The following PLCL1 variants were observed in gnomAD, a reference collection of about 807,000 sequenced individuals.
PLCL1 encodes the protein phospholipase C like 1 (inactive).
In PLCL1, 41 loss-of-function variants were observed where a neutral mutation model predicts 84.4. The ratio of observed to expected loss-of-function variants is 0.49; its 90% CI spans 0.38 to 0.63. The LOEUF (loss-of-function observed/expected upper bound fraction) is 0.63. Ranked by LOEUF, PLCL1 falls within the 30% of genes least tolerant of loss-of-function variation. PLCL1 has a pLI of 0.00. For synonymous variants in PLCL1, 490 were observed against 488.3 expected, an observed-to-expected ratio of 1.00 and a Z score of -0.05; for missense variants, 1,206 against 1,367.8, an observed-to-expected ratio of 0.88 and a Z score of 1.87.
chr2:198,094,528 TTA>T (rs764471339), intron 3 of PLCL1, among the ~76,000 whole-genome samples: 1 of 152,214 alleles, frequency 6.6e-6, no homozygotes, highest in Non-Finnish European at 1.5e-5. Flanking sequence ...CACATCTTAC[TTA>T]AAGTATACGT....
At chr2:198,111,767 G>A (rs1215390054) in intron 5 of PLCL1, among the ~76,000 whole-genome samples, 2 of 151,874 alleles carry the variant, frequency 1.3e-5, no homozygotes, top group Non-Finnish European at 2.9e-5. Context: ...TAAAGGCCAT[G>A]TTGTCATCCC....
chr2:197,976,136 T>G (rs1689976365), intron 1 of PLCL1, among the ~76,000 whole-genome samples: 1 of 152,198 alleles, frequency 6.6e-6, no homozygotes, highest in African/African-American at 2.4e-5. Flanking sequence ...ATTTTCTGGC[T>G]CTCAGAGTGA....
chr2:198,052,524 T>C (rs1691961810), intron 1 of PLCL1, among the ~76,000 whole-genome samples: 1 of 149,688 alleles, frequency 6.7e-6, no homozygotes. Context: ...CTATAGAGGT[T>C]GAAAAAAAAA....
At chr2:197,935,676 G>A (rs1367309182) in intron 1 of PLCL1, among the ~76,000 whole-genome samples, 3 of 152,044 alleles carry the variant, frequency 2.0e-5, no homozygotes, top group Non-Finnish European at 4.4e-5. Flanking sequence ...GCTTATTACC[G>A]GGGTGACAAA....
At position 198,061,645 on chromosome 2, in the gene PLCL1, G is replaced by A. The variant is rs538650559; in HGVS notation, c.241-22113G>A. Among the ~76,000 whole-genome samples the A allele has an allele frequency of 2.6e-5, 4 of 152,196 alleles. No homozygotes were observed. In the East Asian group the frequency reaches 5.8e-4, roughly 22 times the overall value. ...AGACAAGTCTCGCTCTGTCGCCCAG[G>A]CTGGAGTGCAATGGCACCATCTCGG... On this transcript the variant is annotated intron_variant, in intron 1 of 5. Coordinates refer to ENST00000428675, the MANE Select transcript of PLCL1 (RefSeq NM_006226.4).
At chr2:197,830,096 A>G (rs1248951223) in intron 1 of PLCL1, among the ~76,000 whole-genome samples, 3 of 152,046 alleles carry the variant, frequency 2.0e-5, no homozygotes, top group African/African-American at 4.8e-5. Flanking sequence ...AATTCCAAAA[A>G]CCAGAATGCC....
chr2:198,104,103 G>A (rs549666992), intron 5 of PLCL1, among the ~76,000 whole-genome samples, 167 bp downstream of exon 5: 131 of 151,902 alleles, frequency 8.6e-4, no homozygotes, highest in Middle Eastern at 6.8e-3. Context: ...ACTGTGTGTC[G>A]CGGGGGGCTG....
intron 1 of PLCL1, among the ~76,000 whole-genome samples, chr2:197,933,472 C>G (rs1370781490): frequency 6.6e-6 from 1 of 151,900 alleles, no homozygotes; most frequent in African/African-American, 2.4e-5. Context: ...GCCGTGTTAG[C>G]TAGTATGTGT....
chr2:198,141,966 C>A (rs1383711753), intron 5 of PLCL1, among the ~76,000 whole-genome samples: 1 of 152,162 alleles, frequency 6.6e-6, no homozygotes, highest in Non-Finnish European at 1.5e-5. Flanking sequence ...TGAAACAACC[C>A]ACTCATTTCC....
At position 197,804,982 on chromosome 2, in the gene PLCL1, C is replaced by T; in HGVS notation, c.-118C>T. The T allele has an allele frequency of 3.2e-6, 4 of 1,232,412 alleles. No individual in the cohort carries two copies. Among genetic ancestry groups the T allele is most frequent in the Non-Finnish European group, 4.3e-6 (4 of 927,290 alleles). 76.3% of individuals were successfully genotyped at this position (1,232,412 alleles called of 1,614,324 possible). ...CGCCGCCGCCACTGCCGCCGCTGGG[C>T]GGTGAAACAAAGTCTGGCGGGGCCG... On this transcript the variant is annotated 5_prime_UTR_variant, in exon 1 of 6. Transcript: ENST00000428675.
At chr2:197,913,264 G>A (rs1471792648) in intron 1 of PLCL1, among the ~76,000 whole-genome samples, 1 of 152,222 alleles carries the variant, frequency 6.6e-6, no homozygotes, top group Non-Finnish European at 1.5e-5. Context: ...TGGACTCCAA[G>A]GGCCAGTTTG....
chr2:197,923,591 A>C (rs1409910622), intron 1 of PLCL1, among the ~76,000 whole-genome samples: 1 of 142,312 alleles, frequency 7.0e-6, no homozygotes, highest in East Asian at 2.2e-4. Context: ...CTCACTTCCT[A>C]GATGTGATGG....
intron 1 of PLCL1, among the ~76,000 whole-genome samples, chr2:197,991,769 A>T (rs748655404): frequency 1.3e-5 from 2 of 151,814 alleles, no homozygotes; most frequent in Non-Finnish European, 2.9e-5. Flanking sequence ...TCTCTTTCCC[A>T]CTCAGTGCTT....
At chr2:198,112,843 G>A (rs1693653928) in intron 5 of PLCL1, among the ~76,000 whole-genome samples, 1 of 151,810 alleles carries the variant, frequency 6.6e-6, no homozygotes, top group Non-Finnish European at 1.5e-5. Flanking sequence ...GCTCAACCTA[G>A]TAAGCCCTCA....
At chr2:198,005,109 T>A (rs1396170633) in intron 1 of PLCL1, among the ~76,000 whole-genome samples, 3 of 152,226 alleles carry the variant, frequency 2.0e-5, no homozygotes, top group Non-Finnish European at 4.4e-5. Flanking sequence ...ATTTTCTTTT[T>A]AAACTTTCCT....
At chr2:197,938,753 G>A (rs1361205836) in intron 1 of PLCL1, among the ~76,000 whole-genome samples, 1 of 152,168 alleles carries the variant, frequency 6.6e-6, no homozygotes, top group African/African-American at 2.4e-5. Flanking sequence ...TCTGAGGTTT[G>A]TGTGATTCAG....
intron 1 of PLCL1, among the ~76,000 whole-genome samples, chr2:197,823,318 A>G (rs1473059287): frequency 6.6e-6 from 1 of 152,152 alleles, no homozygotes; most frequent in Non-Finnish European, 1.5e-5. Flanking sequence ...AAAAGGCCCT[A>G]GAATTGGACT....
At chr2:197,961,631 C>T (rs1689626064) in intron 1 of PLCL1, among the ~76,000 whole-genome samples, 1 of 70,670 alleles carries the variant, frequency 1.4e-5, no homozygotes, top group Non-Finnish European at 2.7e-5. Flanking sequence ...CTGCTAGGAA[C>T]TGTAGTCTTA....
chr2:197,961,745 G>A lies in PLCL1; in HGVS notation c.241-122013G>A, dbSNP rs567742603. Among the ~76,000 whole-genome samples, 5 of 152,066 alleles carry A rather than the reference G, an allele frequency of 3.3e-5. No homozygotes were observed. The East Asian group carries it at 9.7e-4, about 29-fold the overall frequency. On this transcript the variant is annotated intron_variant, in intron 1 of 5. Coordinates refer to ENST00000428675, the MANE Select transcript of PLCL1 (RefSeq NM_006226.4). ...AGACTCTATGTGAGAGGTGGTTTTG[G>A]AAATGAAACTTTAGACCTTAGGGGT...
Sources: gnomAD v4.1 joint callset for allele counts (sites outside exome capture counted in the v4.1 genomes callset) on GRCh38, gnomAD v4.1.1 for gene constraint, MANE v1.5 for transcripts, NCBI Gene and HGNC (gene_info 2026-07-23, HGNC 2026-07-21) for gene names.